The following MRPS34 variants were observed in gnomAD, a reference collection of about 807,000 sequenced individuals.
The protein encoded by MRPS34 is mitochondrial ribosomal protein S34, also known as small ribosomal subunit protein mS34.
In MRPS34, 12 loss-of-function variants were observed where a neutral mutation model predicts 13.3. That is an observed-to-expected ratio of 0.90 (90% CI 0.58 to 1.46). The LOEUF is 1.46. MRPS34 is among the 40% of genes most tolerant of loss of function. The pLI is 0.00. For missense variants in MRPS34, 419 were observed against 335.3 expected (o/e 1.25, Z -1.95); for synonymous variants, 181 against 149.3 (o/e 1.21, Z -1.55).
At position 1,772,782 on chromosome 16, in the gene MRPS34, G is replaced by C; in HGVS notation, c.321+17C>G. 1 of 1,463,260 alleles carries C rather than the reference G, an allele frequency of 6.8e-7. No individual in the cohort carries two copies. Among genetic ancestry groups the C allele is most frequent in the South Asian group, 1.3e-5 (1 of 76,628 alleles). The allele number at this position is 1,463,260 out of a possible 1,614,324, so 90.6% of individuals were successfully genotyped here. ...CCAGGCGGCTGCAGGGGCGGGGTGC[G>C]GACGGGGTGCACGCACCTGCGCCGT... On this transcript the variant is annotated intron_variant, in intron 1 of 2. Coordinates refer to ENST00000397375, the MANE Select transcript of MRPS34 (RefSeq NM_023936.2).
Position 1,773,121 on chromosome 16 carries a change from G to A in MRPS34, c.-2C>T, listed in dbSNP as rs2042650280. The A allele has an allele frequency of 3.6e-6, 5 of 1,391,088 alleles. No individual in the cohort carries two copies. In the South Asian group the frequency reaches 4.8e-5, roughly 13 times the overall value. The allele number at this position is 1,391,088 out of a possible 1,614,324, so 86.2% of individuals were successfully genotyped here. ...CGGACGCACCTTCTTCCGCGCCATG[G>A]CGGGTCCGCGTCCTCAGCGGTCCGG... On this transcript the variant is annotated 5_prime_UTR_variant, in exon 1 of 3. Transcript: ENST00000397375.
rs780263579 is a variant in MRPS34 at position 1,772,364 on chromosome 16, C to T, written c.514G>A (p.Ala172Thr). The T allele has an allele frequency of 6.2e-6, 10 of 1,612,840 alleles. No individual in the cohort carries two copies. In the African/African-American group the frequency reaches 1.1e-4, roughly 17 times the overall value. ...TTCTGTCGTTCTGCGATAATCATGG[C>T]CCGGAGGAGAGGCGGGTACGGCACG... The part of the protein sequence containing the change: ...ASVPYPPLLR[A>T]MIIAERQKNG... Residue 172 changes from alanine to threonine, a missense_variant, in exon 3 of 3, where the codon GCC (alanine) becomes ACC (threonine). Physicochemically the swap from Ala to Thr is moderately conservative, Grantham distance 58 (BLOSUM62 0). Transcript: ENST00000397375.
Position 1,773,112 on chromosome 16 carries a change from C to A in MRPS34, c.8G>T (p.Arg3Leu). Residue 3 changes from arginine (R) to leucine (L), a missense_variant, in exon 1 of 3, where the codon CGG becomes CTG. Transcript: ENST00000397375. ...GATCAGCCGCGGACGCACCTTCTTC[C>A]GCGCCATGGCGGGTCCGCGTCCTCA... MA[R>L]KKVRPRLIAE... 1 of 1,395,294 alleles carries A rather than the reference C, an allele frequency of 7.2e-7. No individual in the cohort carries two copies. Among genetic ancestry groups the A allele is most frequent in the African/African-American group, 1.5e-5 (1 of 65,882 alleles). 86.4% of individuals were successfully genotyped at this position (1,395,294 alleles called of 1,614,324 possible). A position where few individuals can be genotyped will look rare whatever the true frequency, so the allele number is the denominator to read the frequency against.
At chr16:1,772,758 C>G (rs1567225545) in intron 1 of MRPS34, 41 bp downstream of exon 1, 1 of 1,516,698 alleles carries the variant, frequency 6.6e-7, no homozygotes, top group East Asian at 2.4e-5. Flanking sequence ...GCGGGGAGAC[C>G]AGGCGGCTGC....
In MRPS34 at chr16:1,772,155, G is replaced by C; in HGVS notation, c.*66C>G. ...CAGACTCGGGTGTAACGCAAAGACG[G>C]TTTCTTTCATCAATAAGGTCCCCAC... On this transcript the variant is annotated 3_prime_UTR_variant, in exon 3 of 3. Coordinates refer to ENST00000397375, the MANE Select transcript of MRPS34 (RefSeq NM_023936.2). The C allele has an allele frequency of 6.7e-7, 1 of 1,491,608 alleles. No homozygotes were observed. The highest frequency in any genetic ancestry group is 9.1e-7 in the Non-Finnish European group (1 of 1,102,432). 92.4% of individuals were successfully genotyped at this position (1,491,608 alleles called of 1,614,324 possible).
chr16:1,772,368 G>T lies in MRPS34; in HGVS notation c.510C>A (p.Leu170=), dbSNP rs748276697. 1 of 1,612,878 alleles carries T rather than the reference G, an allele frequency of 6.2e-7. No individual in the cohort carries two copies. Among genetic ancestry groups the T allele is most frequent in the East Asian group, 2.2e-5 (1 of 44,882 alleles). The change falls in exon 3 of 3, where the codon CTC becomes CTA. Residue 170 remains leucine, a synonymous_variant. Coordinates refer to ENST00000397375, the MANE Select transcript of MRPS34 (RefSeq NM_023936.2). ...GTCGTTCTGCGATAATCATGGCCCG[G>T]AGGAGAGGCGGGTACGGCACGGAGG... ...SLASVPYPPL[L]RAMIIAERQK... is the part of the protein sequence containing the mutation.
chr16:1,773,060 G>A lies in MRPS34; in HGVS notation c.60C>T (p.Ala20=). The A allele has an allele frequency of 7.0e-7, 1 of 1,420,512 alleles. No homozygotes were observed. The highest frequency in any genetic ancestry group is 2.8e-5 in the East Asian group (1 of 35,288). 88.0% of individuals were successfully genotyped at this position (1,420,512 alleles called of 1,614,324 possible). A position where few individuals can be genotyped will look rare whatever the true frequency, so the allele number is the denominator to read the frequency against. Residue 20 remains alanine (A), a synonymous_variant, in exon 1 of 3, where the codon GCC becomes GCT. Transcript: ENST00000397375. ...GCGGCCTGTTCAGTTGCTCCCGCAG[G>A]GCGCGCACGCGGCGGGCCAGCTCCG... ...LIAELARRVR[A]LREQLNRPRD...
chr16:1,772,671 T>C (rs1474429416), intron 1 of MRPS34, 25 bp from the exon 2 acceptor site: 1 of 1,599,668 alleles, frequency 6.3e-7, no homozygotes, highest in Non-Finnish European at 8.5e-7. Flanking sequence ...GGAAGCGGGG[T>C]CAGCTCGCAA....
Position 1,772,443 on chromosome 16 carries a change from G to A in MRPS34, c.435C>T (p.His145=), listed in dbSNP as rs780823458. The A allele has an allele frequency of 1.2e-6, 2 of 1,611,872 alleles. No individual in the cohort carries two copies. The highest frequency in any genetic ancestry group is 2.2e-5 in the South Asian group (2 of 91,078). The change falls in exon 3 of 3, where the codon CAC becomes CAT. Residue 145 remains histidine (H), a synonymous_variant. Transcript: ENST00000397375. ...MYHDWRLVPK[H]EEEAFTAFTP... ...TGAACGCGGTGAAGGCCTCCTCCTC[G>A]TGCTTGGGCACCAGCCGCCAGTCAT...
At position 1,773,055 on chromosome 16, in the gene MRPS34, C is replaced by T. The variant is rs1308290832; in HGVS notation, c.65G>A (p.Arg22Gln). 3 of 1,421,152 alleles carry T rather than the reference C, an allele frequency of 2.1e-6. No homozygotes were observed. Among genetic ancestry groups the T allele is most frequent in the Admixed American group, 3.2e-5 (1 of 31,736 alleles). 88.0% of individuals were successfully genotyped at this position (1,421,152 alleles called of 1,614,324 possible). A position where few individuals can be genotyped will look rare whatever the true frequency, so the allele number is the denominator to read the frequency against. ...AELARRVRALREQLNRPRDSQ... is the reference protein window; with the variant it reads ...AELARRVRALQEQLNRPRDSQ... ...GTCGCGCGGCCTGTTCAGTTGCTCCCGCAGGGCGCGCACGCGGCGGGCCAG... is the reference window on the plus strand; with the variant it reads ...GTCGCGCGGCCTGTTCAGTTGCTCCTGCAGGGCGCGCACGCGGCGGGCCAG... Residue 22 changes from arginine (R) to glutamine (Q), a missense_variant, in exon 1 of 3, where the codon CGG (arginine) becomes CAG (glutamine). Transcript: ENST00000397375.
Position 1,772,404 on chromosome 16 carries a change from T to G in MRPS34, c.474A>C (p.Glu158Asp). The change falls in exon 3 of 3, where the codon GAA (glutamate) becomes GAC (aspartate). Residue 158 changes from glutamate (E) to aspartate (D), a missense_variant. Transcript: ENST00000397375. ...GGTACGGCACGGAGGCCAGGCTGTC[T>G]TCCGGCGCCGGCGTGAACGCGGTGA... ...EAFTAFTPAP[E>D]DSLASVPYPP... 1 of 1,611,938 alleles carries G rather than the reference T, an allele frequency of 6.2e-7. No individual in the cohort carries two copies. Among genetic ancestry groups the G allele is most frequent in the East Asian group, 2.2e-5 (1 of 44,878 alleles).
chr16:1,773,028 G>A lies in MRPS34; in HGVS notation c.92C>T (p.Ser31Phe), dbSNP rs891271151. 6.9e-7 allele frequency: 1 copy of A among 1,443,236 alleles called. No homozygotes were observed. The highest frequency in any genetic ancestry group is 9.1e-7 in the Non-Finnish European group (1 of 1,099,388). 89.4% of individuals were successfully genotyped at this position (1,443,236 alleles called of 1,614,324 possible). Residue 31 changes from serine (S) to phenylalanine (F), a missense_variant, in exon 1 of 3, where the codon TCC becomes TTC. Physicochemically the swap from Ser to Phe is radical, Grantham distance 155. Coordinates refer to ENST00000397375, the MANE Select transcript of MRPS34 (RefSeq NM_023936.2). Reference sequence around the variant, plus strand: ...CTCGTAGTCCACCGCGTAGAGCTGGGAGTCGCGCGGCCTGTTCAGTTGCTC... The same window carrying A: ...CTCGTAGTCCACCGCGTAGAGCTGGAAGTCGCGCGGCCTGTTCAGTTGCTC... ...LREQLNRPRD[S>F]QLYAVDYETL...
rs1229206895 is a variant in MRPS34, at chr16:1,772,792, C to A, written c.321+7G>T. The A allele has an allele frequency of 7.0e-7, 1 of 1,434,518 alleles. No homozygotes were observed. The highest frequency in any genetic ancestry group is 9.1e-7 in the Non-Finnish European group (1 of 1,093,878). The allele number at this position is 1,434,518 out of a possible 1,614,324, so 88.9% of individuals were successfully genotyped here. A position where few individuals can be genotyped will look rare whatever the true frequency, so the allele number is the denominator to read the frequency against. On this transcript the variant is annotated splice_region_variant and intron_variant, in intron 1 of 2. Coordinates refer to ENST00000397375, the MANE Select transcript of MRPS34 (RefSeq NM_023936.2). ...GCAGGGGCGGGGTGCGGACGGGGTG[C>A]ACGCACCTGCGCCGTGTAGTCGGGC...
chr16:1,772,156 T>C lies in MRPS34; in HGVS notation c.*65A>G, dbSNP rs1263024577. On this transcript the variant is annotated 3_prime_UTR_variant, in exon 3 of 3. Transcript: ENST00000397375. ...AGACTCGGGTGTAACGCAAAGACGGTTTCTTTCATCAATAAGGTCCCCACT... is the reference window on the plus strand; with the variant it reads ...AGACTCGGGTGTAACGCAAAGACGGCTTCTTTCATCAATAAGGTCCCCACT... 36 of 1,495,578 alleles carry C rather than the reference T, an allele frequency of 2.4e-5. No homozygotes were observed. Among genetic ancestry groups the C allele is most frequent in the Non-Finnish European group, 3.2e-5 (35 of 1,106,424 alleles). 92.6% of individuals were successfully genotyped at this position (1,495,578 alleles called of 1,614,324 possible). A position where few individuals can be genotyped will look rare whatever the true frequency, so the allele number is the denominator to read the frequency against.
chr16:1,772,569 T>C (rs1453917602), intron 2 of MRPS34, 35 bp downstream of exon 2: 10 of 1,612,300 alleles, frequency 6.2e-6, no homozygotes, highest in Non-Finnish European at 5.1e-6. Flanking sequence ...GCGGTCGGCA[T>C]CGAACTGCCG....
rs11552431 is a variant in MRPS34, at chr16:1,773,023, G to C, written c.97C>G (p.Leu33Val). The C allele has an allele frequency of 4.1e-6, 6 of 1,445,830 alleles. No homozygotes were observed. Among genetic ancestry groups the C allele is most frequent in the Non-Finnish European group, 5.5e-6 (6 of 1,100,694 alleles). 89.6% of individuals were successfully genotyped at this position (1,445,830 alleles called of 1,614,324 possible). The change falls in exon 1 of 3, where the codon CTC becomes GTC. Residue 33 changes from leucine (L) to valine (V), a missense_variant. Coordinates refer to ENST00000397375, the MANE Select transcript of MRPS34 (RefSeq NM_023936.2). Reference protein sequence around the residue: ...EQLNRPRDSQLYAVDYETLTR... With the variant: ...EQLNRPRDSQVYAVDYETLTR... The stretch of plus-strand genomic sequence containing the variant: ...AAGGTCTCGTAGTCCACCGCGTAGA[G>C]CTGGGAGTCGCGCGGCCTGTTCAGT...
In MRPS34 at chr16:1,772,198, G is replaced by A. The variant is rs751316713; in HGVS notation, c.*23C>T. The A allele has an allele frequency of 6.3e-7, 1 of 1,593,796 alleles. No homozygotes were observed. The highest frequency in any genetic ancestry group is 1.7e-5 in the Admixed American group (1 of 59,586). On this transcript the variant is annotated 3_prime_UTR_variant, in exon 3 of 3. Transcript: ENST00000397375. ...GTCCCCACTGCCTCACAGCCCCTAAGGCCACCCGCTGGTTCTGGCATTCTA... is the reference window on the plus strand; with the variant it reads ...GTCCCCACTGCCTCACAGCCCCTAAAGCCACCCGCTGGTTCTGGCATTCTA...
At chr16:1,772,736 G>A in intron 1 of MRPS34, 63 bp downstream of exon 1, 2 of 1,547,934 alleles carry the variant, frequency 1.3e-6, no homozygotes, top group Non-Finnish European at 1.7e-6. Flanking sequence ...AAACCTGCAG[G>A]GAGGAGGGGA....
At position 1,772,305 on chromosome 16, in the gene MRPS34, C is replaced by G. The variant is rs772037943; in HGVS notation, c.573G>C (p.Leu191=). Residue 191 remains leucine, a synonymous_variant, in exon 3 of 3, where the codon CTG becomes CTC. Coordinates refer to ENST00000397375, the MANE Select transcript of MRPS34 (RefSeq NM_023936.2). Reference sequence around the variant, plus strand: ...GTTCCATGCGTATCCTCTGCACATTCAGCATGGGCTCCTCGGTGCTTGTGT... The same window carrying G: ...GTTCCATGCGTATCCTCTGCACATTGAGCATGGGCTCCTCGGTGCTTGTGT... The part of the protein sequence containing the change: ...NGDTSTEEPM[L]NVQRIRMEPW... 6.2e-7 allele frequency: 1 copy of G among 1,613,098 alleles called. No individual in the cohort carries two copies. The highest frequency in any genetic ancestry group is 1.1e-5 in the South Asian group (1 of 91,090).
Sources: allele counts gnomAD v4.1 joint callset, GRCh38; gene constraint gnomAD v4.1.1; transcripts MANE v1.5; gene names NCBI Gene and HGNC (gene_info 2026-07-23, HGNC 2026-07-21).